ERC2: variants seen among roughly 807,000 people sequenced by gnomAD.
ERC2 encodes ERC protein 2.
A neutral mutation model predicts 114.8 loss-of-function variants in ERC2; 42 were observed. The ratio of observed to expected loss-of-function variants is 0.37; its 90% confidence interval spans 0.29 to 0.47. ERC2 has a LOEUF of 0.47. ERC2 is among the 20% of genes least tolerant of loss of function. ERC2 has a pLI of 0.99. For missense variants in ERC2, 939 were observed against 1,150.7 expected (o/e 0.82, Z 2.66); for synonymous variants, 454 against 425.5 (o/e 1.07, Z -0.82).
chr3:56,420,177 CTTT>C (rs34883402), intron 2 of ERC2, among the ~76,000 whole-genome samples: 9 of 72,308 alleles, frequency 1.2e-4, no homozygotes, highest in Admixed American at 2.2e-4. Context: ...AGTGGTTATA[CTTT>C]TTTTTTTTTT....
chr3:55,612,882 A>G (rs974288088), intron 17 of ERC2: 1 of 152,226 alleles, frequency 6.6e-6, no homozygotes, highest in African/African-American at 2.4e-5. Flanking sequence ...CAAATGTTCT[A>G]GAGTTGAAAA....
chr3:55,635,882 A>ATTTTG (rs1553732966), intron 17 of ERC2, among the ~76,000 whole-genome samples: 2 of 150,200 alleles, frequency 1.3e-5, no homozygotes, highest in African/African-American at 4.9e-5. Context: ...ATTTTATTTT[A>ATTTTG]TTTTGTTTTA....
At chr3:55,531,473 CT>C (rs762669217) in intron 17 of ERC2, among the ~76,000 whole-genome samples, 1 of 152,186 alleles carries the variant, frequency 6.6e-6, no homozygotes, top group African/African-American at 2.4e-5. Context: ...CTGTCTGCCC[CT>C]GATGTGCATT....
chr3:55,783,772 G>A (rs556268088), intron 14 of ERC2, among the ~76,000 whole-genome samples: 3 of 152,236 alleles, frequency 2.0e-5, no homozygotes, highest in South Asian at 2.1e-4. Flanking sequence ...AGGTGATAAC[G>A]TGAGGATCAC....
At chr3:55,736,473 C>A (rs1191713443) in intron 14 of ERC2, among the ~76,000 whole-genome samples, 1 of 152,194 alleles carries the variant, frequency 6.6e-6, no homozygotes, top group African/African-American at 2.4e-5. Flanking sequence ...ATGTCCAAGT[C>A]GGTCATCTGT....
chr3:55,667,344 T>A (rs756063216), intron 17 of ERC2, among the ~76,000 whole-genome samples: 2 of 152,252 alleles, frequency 1.3e-5, no homozygotes, highest in African/African-American at 4.8e-5. Flanking sequence ...TAAATGCTAG[T>A]TGCATAGATA....
At chr3:55,517,446 CAAAAAAAAAA>C (rs11309251) in intron 17 of ERC2, among the ~76,000 whole-genome samples, 18 of 90,156 alleles carry the variant, frequency 2.0e-4, no homozygotes, top group Admixed American at 6.5e-4. Context: ...GACTCCGTCT[CAAAAAAAAAA>C]AAAAAAAAAA....
chr3:55,902,051 C>G (rs1222221094), intron 13 of ERC2, among the ~76,000 whole-genome samples: 3 of 152,188 alleles, frequency 2.0e-5, no homozygotes, highest in Non-Finnish European at 4.4e-5. Flanking sequence ...GCAATAGCTA[C>G]CAGTGCATCT....
At chr3:55,914,675 C>T (rs959568209) in intron 13 of ERC2, among the ~76,000 whole-genome samples, 21 of 152,146 alleles carry the variant, frequency 1.4e-4, no homozygotes, top group African/African-American at 4.8e-4. Context: ...AAACAACTGG[C>T]CCATGCATTG....
chr3:56,349,201 A>G (rs189323001), intron 2 of ERC2, among the ~76,000 whole-genome samples: 1 of 152,336 alleles, frequency 6.6e-6, no homozygotes, highest in East Asian at 1.9e-4. Flanking sequence ...CAAATAGAGC[A>G]GGCCTGGTGT....
In ERC2 at chr3:56,226,693, C is replaced by T. The variant is rs1409449159; in HGVS notation, c.1075-53173G>A. ...CTCCACCCTACTCCCAGGCTACACTCTCAACTGGTGGCCAGGGAGAAAGAG... is the reference window on the plus strand; with the variant it reads ...CTCCACCCTACTCCCAGGCTACACTTTCAACTGGTGGCCAGGGAGAAAGAG... On this transcript the variant is annotated intron_variant, in intron 3 of 17. Coordinates refer to ENST00000288221, the MANE Select transcript of ERC2 (RefSeq NM_015576.3). Among the ~76,000 whole-genome samples the T allele has an allele frequency of 2.0e-5, 3 of 152,268 alleles. No individual in the cohort carries two copies. In the East Asian group the frequency reaches 5.8e-4, roughly 29 times the overall value.
intron 3 of ERC2, among the ~76,000 whole-genome samples, chr3:56,192,099 GA>G (rs2047824396): frequency 6.6e-6 from 1 of 152,114 alleles, no homozygotes; most frequent in African/African-American, 2.4e-5. Flanking sequence ...ACACAATTCA[GA>G]TTCAATCTCC....
intron 3 of ERC2, among the ~76,000 whole-genome samples, chr3:56,272,822 T>A (rs983286425): frequency 6.6e-6 from 1 of 152,130 alleles, no homozygotes; most frequent in Non-Finnish European, 1.5e-5. Context: ...CAGGAACATG[T>A]CTCAACCAAA....
intron 14 of ERC2, among the ~76,000 whole-genome samples, chr3:55,834,097 C>A (rs1285390498): frequency 6.6e-6 from 1 of 151,916 alleles, no homozygotes; most frequent in African/African-American, 2.4e-5. Flanking sequence ...CAGGAGCACC[C>A]AGATTCATAA....
chr3:56,063,737 A>T (rs2076344598), intron 7 of ERC2, among the ~76,000 whole-genome samples: 1 of 152,226 alleles, frequency 6.6e-6, no homozygotes, highest in Non-Finnish European at 1.5e-5. Flanking sequence ...GCATGTATGT[A>T]TGCATAAGTT....
At chr3:55,803,286 C>T (rs1176441488) in intron 14 of ERC2, among the ~76,000 whole-genome samples, 1 of 152,022 alleles carries the variant, frequency 6.6e-6, no homozygotes, top group Non-Finnish European at 1.5e-5. Flanking sequence ...ATATGATATT[C>T]AAAAAATTAA....
At chr3:56,464,114 A>G (rs2063435831) in intron 1 of ERC2, among the ~76,000 whole-genome samples, 1 of 152,234 alleles carries the variant, frequency 6.6e-6, no homozygotes, top group African/African-American at 2.4e-5. Flanking sequence ...GCATTCCCCA[A>G]GAAAAAGAAA....
intron 16 of ERC2, among the ~76,000 whole-genome samples, chr3:55,695,441 C>T (rs1283785105): frequency 6.6e-6 from 1 of 152,182 alleles, no homozygotes; most frequent in East Asian, 1.9e-4. Flanking sequence ...AGGTAGGGGG[C>T]TAGATTCTTG....
chr3:55,772,781 A>G (rs1423200245), intron 14 of ERC2, among the ~76,000 whole-genome samples: 1 of 152,114 alleles, frequency 6.6e-6, no homozygotes, highest in African/African-American at 2.4e-5. Context: ...TGCTGTAGTT[A>G]CCCTGTCTTA....
Sources: gnomAD v4.1 joint callset for allele counts (sites outside exome capture counted in the v4.1 genomes callset) on GRCh38, gnomAD v4.1.1 for gene constraint, MANE v1.5 for transcripts, NCBI Gene and HGNC (gene_info 2026-07-23, HGNC 2026-07-21) for gene names.